The following MYH13 variants were observed in gnomAD, a reference collection of about 807,000 sequenced individuals.
The protein encoded by MYH13 is myosin heavy chain 13.
Under a neutral mutation model 232.1 loss-of-function variants are expected in MYH13, and 177 were observed. The ratio of observed to expected loss-of-function variants is 0.76; its 90% CI spans 0.67 to 0.86. MYH13 has a LOEUF of 0.86. Among genes scored for constraint, MYH13 ranks in the 40% least tolerant of loss-of-function variants. The pLI is 0.00. For missense variants in MYH13, 2,246 were observed against 2,405.9 expected (o/e 0.93, Z 1.39); for synonymous variants, 884 against 923.5 (o/e 0.96, Z 0.78).
chr17:10,327,343 G>C (rs1387376180), intron 22 of MYH13, among the ~76,000 whole-genome samples: 1 of 150,830 alleles, frequency 6.6e-6, no homozygotes, highest in Non-Finnish European at 1.5e-5. Flanking sequence ...ATGGGGTTTT[G>C]CCATGATACC....
chr17:10,349,916 G>C (rs992661714), intron 12 of MYH13, among the ~76,000 whole-genome samples: 1 of 152,178 alleles, frequency 6.6e-6, no homozygotes, highest in Admixed American at 6.5e-5. Flanking sequence ...TTTAATTCAA[G>C]GAACTTGTAA....
rs777663218 is a variant in MYH13, at chr17:10,332,128, G to C, written c.2269C>G (p.Arg757Gly). 4.3e-6 allele frequency: 7 copies of C among 1,613,818 alleles called. No individual in the cohort carries two copies. The Admixed American group carries it at 1.2e-4, about 27-fold the overall frequency. ...GTGTTGCCGAACCTGAACTGCTCCC[G>C]GTCCACATCGATGGAGTTGAGGAGC... ...EKLLNSIDVD[R>G]EQFRFGNTKV... The change falls in exon 20 of 41, where the codon CGG (arginine) becomes GGG (glycine). Residue 757 changes from arginine (R) to glycine (G), a missense_variant. Coordinates refer to ENST00000252172, the MANE Select transcript of MYH13 (RefSeq NM_003802.3).
Position 10,309,374 on chromosome 17 carries a change from T to C in MYH13, c.5029A>G (p.Ile1677Val). The C allele has an allele frequency of 6.2e-7, 1 of 1,612,724 alleles. No individual in the cohort carries two copies. Among genetic ancestry groups the C allele is most frequent in the South Asian group, 1.1e-5 (1 of 90,722 alleles). ...AGGAGGCCATTCCTGCGCTCCACGATGGCCAGCTGCTCCTTGAGGTCCTCA... is the reference window on the plus strand; with the variant it reads ...AGGAGGCCATTCCTGCGCTCCACGACGGCCAGCTGCTCCTTGAGGTCCTCA... ...SNEDLKEQLA[I>V]VERRNGLLLE... The change falls in exon 35 of 41, where the codon ATC (isoleucine) becomes GTC (valine). Residue 1677 changes from isoleucine to valine, a missense_variant. Transcript: ENST00000252172.
intron 7 of MYH13, among the ~76,000 whole-genome samples, chr17:10,359,732 G>GAATTT (rs1242933021): frequency 6.6e-6 from 1 of 152,140 alleles, no homozygotes; most frequent in Admixed American, 6.5e-5. Context: ...GAATTGAATT[G>GAATTT]TAGGACACCC....
rs775952625 is a variant in MYH13 at position 10,309,362 on chromosome 17, T to C, written c.5041A>G (p.Arg1681Gly). 3.1e-6 allele frequency: 5 copies of C among 1,613,326 alleles called. No individual in the cohort carries two copies. The East Asian group carries it at 1.1e-4, about 36-fold the overall frequency. Residue 1681 changes from arginine to glycine, a missense_variant, in exon 35 of 41, where the codon AGG becomes GGG. Arg to Gly is a moderately radical substitution (Grantham distance 125). Coordinates refer to ENST00000252172, the MANE Select transcript of MYH13 (RefSeq NM_003802.3). Reference protein sequence around the residue: ...LKEQLAIVERRNGLLLEELEE... With the variant: ...LKEQLAIVERGNGLLLEELEE... ...AGCTCCTCCAGCAGGAGGCCATTCCTGCGCTCCACGATGGCCAGCTGCTCC... is the reference window on the plus strand; with the variant it reads ...AGCTCCTCCAGCAGGAGGCCATTCCCGCGCTCCACGATGGCCAGCTGCTCC...
chr17:10,363,065 G>T (rs2071806017), intron 3 of MYH13, among the ~76,000 whole-genome samples: 1 of 152,034 alleles, frequency 6.6e-6, no homozygotes, highest in Non-Finnish European at 1.5e-5. Flanking sequence ...ATTTGGGGGT[G>T]CATCATGGTT....
At chr17:10,330,356 A>G in intron 21 of MYH13, 31 bp downstream of exon 21, 1 of 1,612,102 alleles carries the variant, frequency 6.2e-7, no homozygotes, top group Non-Finnish European at 8.5e-7. Flanking sequence ...CAGAGAGGGC[A>G]GGATAAGGTG....
intron 11 of MYH13, among the ~76,000 whole-genome samples, chr17:10,353,341 A>C (rs147617982): frequency 6.6e-6 from 1 of 152,208 alleles, no homozygotes; most frequent in East Asian, 1.9e-4. Context: ...GATCATGAAA[A>C]TTTTTCTATT....
At chr17:10,312,454 C>T (rs1389847082) in intron 31 of MYH13, 120 bp downstream of exon 31, 8 of 1,195,974 alleles carry the variant, frequency 6.7e-6, no homozygotes, top group Admixed American at 2.5e-5. Context: ...GTTGTTTTCA[C>T]CACTGCCACT....
intron 18 of MYH13, among the ~76,000 whole-genome samples, chr17:10,337,769 GT>G (rs1303476285): frequency 6.6e-6 from 1 of 152,196 alleles, no homozygotes; most frequent in Non-Finnish European, 1.5e-5. Flanking sequence ...CAAAGAAAAT[GT>G]AGGGCCGGGC....
chr17:10,333,477 G>A (rs1281443261), intron 18 of MYH13, among the ~76,000 whole-genome samples: 3 of 152,254 alleles, frequency 2.0e-5, no homozygotes, highest in Non-Finnish European at 4.4e-5. Context: ...CTGCAGCAAG[G>A]CTGCAAAAGC....
At chr17:10,325,918 G>A (rs1193756168) in intron 22 of MYH13, among the ~76,000 whole-genome samples, 1 of 152,022 alleles carries the variant, frequency 6.6e-6, no homozygotes, top group African/African-American at 2.4e-5. Flanking sequence ...CTCATGATCC[G>A]CCCGCCTCGG....
chr17:10,312,597 TG>T lies in MYH13; in HGVS notation c.4341del (p.Asp1447GlufsTer42). On this transcript the variant is annotated frameshift_variant, in exon 31 of 41. Transcript: ENST00000252172. LOFTEE classifies it high-confidence loss of function. Reference sequence around the variant, plus strand: ...ACCTTGTCGAAGTTCCTCTGCTTCTTGTCCAGTGTGGCACAGGCGGTGTGGG... The same window carrying T: ...ACCTTGTCGAAGTTCCTCTGCTTCTTTCCAGTGTGGCACAGGCGGTGTGGG... ...ERSHTACATLDKKQRNFDKVL... is the reference protein window; with the variant it reads ...ERSHTACATLXKKQRNFDKVL... 6.2e-7 allele frequency: 1 copy of T among 1,613,236 alleles called. No homozygotes were observed. The highest frequency in any genetic ancestry group is 8.5e-7 in the Non-Finnish European group (1 of 1,179,644).
At position 10,302,062 on chromosome 17, in the gene MYH13, G is replaced by A. The variant is rs550398539; in HGVS notation, c.5668-359C>T. 7.9e-5 allele frequency among the ~76,000 whole-genome samples: 12 copies of A among 152,310 alleles called. No individual in the cohort carries two copies. In the South Asian group the frequency reaches 1.2e-3, roughly 16 times the overall value. ...ATGGCCCAAGTCTCCCTCGTCCTGT[G>A]CCTCTGCCCAGCACCATCTGTCTAA... On this transcript the variant is annotated intron_variant, in intron 39 of 40. Coordinates refer to ENST00000252172, the MANE Select transcript of MYH13 (RefSeq NM_003802.3).
At chr17:10,350,908 C>CT in intron 11 of MYH13, 1 of 602,850 alleles carries the variant, frequency 1.7e-6, no homozygotes, top group South Asian at 1.5e-5. Flanking sequence ...TGTGAATTGT[C>CT]TGTTTCCTTC....
At chr17:10,319,294 A>G (rs535370419) in intron 26 of MYH13, 115 bp from the exon 27 acceptor site, 1 of 1,290,018 alleles carries the variant, frequency 7.8e-7, no homozygotes, top group East Asian at 2.5e-5. Flanking sequence ...GGGTCATTTG[A>G]GGTCAGGAGT....
intron 7 of MYH13, 82 bp from the exon 8 acceptor site, chr17:10,357,909 T>G: frequency 7.9e-7 from 1 of 1,261,954 alleles, no homozygotes; most frequent in South Asian, 1.3e-5. Context: ...CGGTGGGTAC[T>G]CTGGGCAGGT....
rs368279166 is a variant in MYH13 at position 10,327,850 on chromosome 17, A to T, written c.2691+16T>A. The stretch of plus-strand genomic sequence containing the variant: ...CCAGAGTCTGTGTTTTGCGTTCTCA[A>T]GTAGAAGGTACTTACAGACTGGACC... On this transcript the variant is annotated intron_variant, in intron 22 of 40. Transcript: ENST00000252172. 4.9e-5 allele frequency: 78 copies of T among 1,602,172 alleles called. No homozygotes were observed. The African/African-American group carries it at 8.1e-4, about 17-fold the overall frequency.
chr17:10,341,714 C>T (rs73283808), intron 16 of MYH13, among the ~76,000 whole-genome samples: 136 of 152,256 alleles, frequency 8.9e-4, no homozygotes, highest in African/African-American at 3.1e-3. Flanking sequence ...TCCGCATCCA[C>T]ACAGGGTCTT....
Sources: allele counts gnomAD v4.1 joint callset (sites outside exome capture counted in the v4.1 genomes callset), GRCh38; gene constraint gnomAD v4.1.1; transcripts MANE v1.5; gene names NCBI Gene and HGNC (gene_info 2026-07-23, HGNC 2026-07-21).